The following MEGF11 variants were observed in gnomAD, a reference collection of about 807,000 sequenced individuals.
The protein encoded by MEGF11 is multiple EGF like domains 11.
Under a neutral mutation model 146.6 loss-of-function variants are expected in MEGF11, and 126 were observed. The ratio of observed to expected loss-of-function variants is 0.86; its 90% CI spans 0.74 to 1.00. The LOEUF is 1.00. MEGF11 is among the 50% of genes least tolerant of loss of function. The probability of loss-of-function intolerance (pLI) is 0.00; values close to 1 mark genes in which losing one functional copy is unlikely to be tolerated. For synonymous variants in MEGF11, 532 were observed against 583.4 expected (o/e 0.91, Z 1.27); for missense variants, 1,509 against 1,521.2 (o/e 0.99, Z 0.13).
At chr15:65,913,400 A>G (rs758972749) in intron 20 of MEGF11, 2 of 398,478 alleles carry the variant, frequency 5.0e-6, no homozygotes, top group Non-Finnish European at 9.3e-6. Context: ...TACAGGCATC[A>G]GGTTGGGGAG....
intron 18 of MEGF11, 41 bp from the exon 19 acceptor site, chr15:65,915,639 C>T: frequency 6.2e-7 from 1 of 1,600,792 alleles, no homozygotes; most frequent in Non-Finnish European, 8.5e-7. Flanking sequence ...CCCACTCACT[C>T]TCCACCCCTC....
intron 5 of MEGF11, among the ~76,000 whole-genome samples, chr15:66,069,925 A>C (rs2085294324): frequency 6.6e-6 from 1 of 152,230 alleles, no homozygotes; most frequent in Non-Finnish European, 1.5e-5. Context: ...TGTTCCAATA[A>C]AACTTTATTT....
At chr15:66,131,192 C>T (rs1043369490) in intron 1 of MEGF11, among the ~76,000 whole-genome samples, 4 of 152,132 alleles carry the variant, frequency 2.6e-5, no homozygotes, top group African/African-American at 4.8e-5. Flanking sequence ...CTGGGCAGGG[C>T]GGATAAAGGG....
chr15:65,963,576 T>G (rs904438301), intron 9 of MEGF11, among the ~76,000 whole-genome samples: 7 of 152,246 alleles, frequency 4.6e-5, no homozygotes, highest in African/African-American at 1.7e-4. Flanking sequence ...ACTACTGGTA[T>G]TGTCTTGTAT....
chr15:66,044,865 A>G (rs1337252982), intron 5 of MEGF11, among the ~76,000 whole-genome samples: 3 of 150,368 alleles, frequency 2.0e-5, no homozygotes, highest in Non-Finnish European at 4.4e-5. Context: ...AAAAAAAAAA[A>G]AAAAAAAAAA....
At chr15:66,212,007 C>G (rs111737110) in intron 1 of MEGF11, among the ~76,000 whole-genome samples, 8 of 124,860 alleles carry the variant, frequency 6.4e-5, no homozygotes, top group African/African-American at 9.5e-5. Flanking sequence ...AAGCATTTAG[C>G]TGAGAGCAAG....
At chr15:66,139,931 T>G (rs947989806) in intron 1 of MEGF11, among the ~76,000 whole-genome samples, 1 of 152,098 alleles carries the variant, frequency 6.6e-6, no homozygotes, top group South Asian at 2.1e-4. Flanking sequence ...TGAGCACCAG[T>G]GTCAAGAGAA....
chr15:66,150,306 T>G (rs2089515442), intron 1 of MEGF11, among the ~76,000 whole-genome samples: 1 of 152,158 alleles, frequency 6.6e-6, no homozygotes, highest in African/African-American at 2.4e-5. Flanking sequence ...ATAACACAAT[T>G]AACAAATATT....
At chr15:65,947,945 T>A (rs2080256180) in intron 10 of MEGF11, among the ~76,000 whole-genome samples, 1 of 152,192 alleles carries the variant, frequency 6.6e-6, no homozygotes, top group Admixed American at 6.5e-5. Context: ...TGGCAAATGT[T>A]TATTTTTTAG....
At chr15:65,969,137 T>A (rs2081216626) in intron 8 of MEGF11, among the ~76,000 whole-genome samples, 1 of 152,122 alleles carries the variant, frequency 6.6e-6, no homozygotes, top group African/African-American at 2.4e-5. Context: ...TTGGATTCTT[T>A]CTCTATTTGG....
chr15:65,951,703 C>T (rs1176559417), intron 10 of MEGF11, among the ~76,000 whole-genome samples: 1 of 149,922 alleles, frequency 6.7e-6, no homozygotes, highest in Non-Finnish European at 1.5e-5. Flanking sequence ...AACAAACAAA[C>T]AAACAAACAA....
At chr15:65,921,212 G>A (rs1450100768) in intron 15 of MEGF11, among the ~76,000 whole-genome samples, 2 of 152,186 alleles carry the variant, frequency 1.3e-5, no homozygotes, top group African/African-American at 2.4e-5. Flanking sequence ...GTCAACAGAA[G>A]TATTTAAGCA....
intron 10 of MEGF11, among the ~76,000 whole-genome samples, chr15:65,935,912 C>T (rs1226251191): frequency 1.3e-5 from 2 of 152,172 alleles, no homozygotes; most frequent in African/African-American, 2.4e-5. Flanking sequence ...GGCCAGTCTC[C>T]GGTGATTGAT....
chr15:66,188,055 G>A (rs964995604), intron 1 of MEGF11, among the ~76,000 whole-genome samples: 1 of 152,142 alleles, frequency 6.6e-6, no homozygotes, highest in African/African-American at 2.4e-5. Flanking sequence ...GGGAGCCGGA[G>A]GACTGTCCTG....
intron 9 of MEGF11, among the ~76,000 whole-genome samples, chr15:65,963,598 C>T (rs999856652): frequency 5.3e-5 from 8 of 152,186 alleles, no homozygotes; most frequent in Non-Finnish European, 7.3e-5. Flanking sequence ...TGAAGAAATA[C>T]GGTAGAAGGT....
At chr15:66,062,883 T>C (rs1034392843) in intron 5 of MEGF11, among the ~76,000 whole-genome samples, 10 of 152,208 alleles carry the variant, frequency 6.6e-5, no homozygotes, top group Non-Finnish European at 1.3e-4. Flanking sequence ...GGAGCAATTA[T>C]AGGAGATGAG....
At chr15:65,959,129 A>G (rs1458216468) in intron 9 of MEGF11, among the ~76,000 whole-genome samples, 2 of 152,174 alleles carry the variant, frequency 1.3e-5, no homozygotes, top group Non-Finnish European at 2.9e-5. Context: ...TTGATTCTTT[A>G]TTCTTTTCTA....
At chr15:66,130,661 A>AAAGGAAGG (rs3082861) in intron 1 of MEGF11, among the ~76,000 whole-genome samples, 5 of 146,052 alleles carry the variant, frequency 3.4e-5, no homozygotes, top group African/African-American at 5.1e-5. Context: ...AAATAAAGAG[A>AAAGGAAGG]AAGGAAGGAA....
chr15:65,970,409 C>A lies in MEGF11; in HGVS notation c.899+144G>T. On this transcript the variant is annotated intron_variant, in intron 8 of 25. Coordinates refer to ENST00000395614, the MANE Select transcript of MEGF11 (RefSeq NM_001385028.1). ...AGGGTGAGGAGGGATCAGGTGCCAA[C>A]CCTCCCTGGCAGGAGAGCTCAGAGT... 4.4e-6 allele frequency: 4 copies of A among 903,948 alleles called. No homozygotes were observed. The East Asian group carries it at 1.1e-4, about 25-fold the overall frequency. 56.0% of individuals were successfully genotyped at this position (903,948 alleles called of 1,614,324 possible).
Sources: allele counts gnomAD v4.1 joint callset (sites outside exome capture counted in the v4.1 genomes callset), GRCh38; gene constraint gnomAD v4.1.1; transcripts MANE v1.5; gene names NCBI Gene and HGNC (gene_info 2026-07-23, HGNC 2026-07-21).